KIAA0825: variants seen among roughly 807,000 people sequenced by gnomAD.
KIAA0825 encodes the protein KIAA0825.
KIAA0825 carries 119 observed loss-of-function variants against 147.6 expected under a neutral mutation model. That is an observed-to-expected ratio of 0.81 (90% confidence interval 0.69 to 0.94). The LOEUF is 0.94. Ranked by LOEUF, KIAA0825 falls within the 40% of genes least tolerant of loss-of-function variation. KIAA0825 has a pLI of 0.00. For missense variants in KIAA0825, 1,381 were observed against 1,472.7 expected, an observed-to-expected ratio of 0.94 and a Z score of 1.02; for synonymous variants, 470 against 518.1, an observed-to-expected ratio of 0.91 and a Z score of 1.26.
chr5:94,338,270 G>T (rs1318579092), intron 20 of KIAA0825, among the ~76,000 whole-genome samples: 2 of 151,098 alleles, frequency 1.3e-5, no homozygotes, highest in African/African-American at 4.9e-5. Flanking sequence ...ACAGTATTTT[G>T]GGCTTTTCAT....
At chr5:94,573,766 G>T (rs1399299705) in intron 2 of KIAA0825, among the ~76,000 whole-genome samples, 1 of 152,272 alleles carries the variant, frequency 6.6e-6, no homozygotes, top group Non-Finnish European at 1.5e-5. Context: ...GCCTTGCAGG[G>T]CCATTTAAAA....
chr5:94,487,252 T>C (rs1763163479), intron 5 of KIAA0825, among the ~76,000 whole-genome samples: 1 of 152,186 alleles, frequency 6.6e-6, no homozygotes, highest in South Asian at 2.1e-4. Flanking sequence ...GAATGAAATA[T>C]ATGACCTAAA....
intron 2 of KIAA0825, among the ~76,000 whole-genome samples, chr5:94,550,618 G>C (rs187421527): frequency 1.3e-5 from 2 of 152,088 alleles, no homozygotes; most frequent in Non-Finnish European, 2.9e-5. Context: ...CGAGGCAGGC[G>C]GATCACGAGG....
intron 20 of KIAA0825, among the ~76,000 whole-genome samples, chr5:94,223,877 C>A (rs974763537): frequency 6.6e-6 from 1 of 151,966 alleles, no homozygotes; most frequent in Admixed American, 6.6e-5. Flanking sequence ...AAGAAAAGCC[C>A]TCTTTGGGAT....
At chr5:94,608,643 T>C (rs760610642) in intron 1 of KIAA0825, among the ~76,000 whole-genome samples, 1 of 145,272 alleles carries the variant, frequency 6.9e-6, no homozygotes, top group Non-Finnish European at 1.5e-5. Flanking sequence ...CAAAAATTAG[T>C]ATTAATACTT....
Position 94,473,426 on chromosome 5 carries a change from T to C in KIAA0825, c.1321A>G (p.Thr441Ala). Residue 441 changes from threonine (T) to alanine (A), a missense_variant, in exon 8 of 21, where the codon ACA becomes GCA. Coordinates refer to ENST00000682413, the MANE Select transcript of KIAA0825 (RefSeq NM_001145678.3). ...CVVTAIEGFSTKILQQEQNER... is the reference protein window; with the variant it reads ...CVVTAIEGFSAKILQQEQNER... ...TTCTGTTCCTGTTGGAGAATTTTTG[T>C]GGAAAAACCTTCAATTGCAGTTACT... 6.4e-7 allele frequency: 1 copy of C among 1,551,984 alleles called. No individual in the cohort carries two copies. The highest frequency in any genetic ancestry group is 2.4e-5 in the East Asian group (1 of 40,918).
chr5:94,566,474 T>C (rs1056512512), intron 2 of KIAA0825, among the ~76,000 whole-genome samples: 1 of 152,166 alleles, frequency 6.6e-6, no homozygotes, highest in Non-Finnish European at 1.5e-5. Context: ...TTAAAAATAA[T>C]ATTCTTTCAA....
intron 15 of KIAA0825, among the ~76,000 whole-genome samples, chr5:94,410,539 A>G (rs1409217654): frequency 6.6e-6 from 1 of 152,218 alleles, no homozygotes; most frequent in African/African-American, 2.4e-5. Context: ...AACAAGGCAC[A>G]TCATAATCAA....
At chr5:94,233,420 G>A (rs907747596) in intron 20 of KIAA0825, among the ~76,000 whole-genome samples, 1 of 152,116 alleles carries the variant, frequency 6.6e-6, no homozygotes, top group African/African-American at 2.4e-5. Context: ...GAAAATAATA[G>A]ATACTTAAAT....
At chr5:94,380,301 A>G (rs1356377716) in intron 20 of KIAA0825, among the ~76,000 whole-genome samples, 2 of 152,244 alleles carry the variant, frequency 1.3e-5, no homozygotes, top group African/African-American at 2.4e-5. Flanking sequence ...AAATATTCTT[A>G]TAATACCTAC....
At chr5:94,565,093 TCC>T (rs1584906994) in intron 2 of KIAA0825, among the ~76,000 whole-genome samples, 40 of 127,982 alleles carry the variant, frequency 3.1e-4, no homozygotes, top group East Asian at 4.2e-4. Context: ...TTTCTTGCTT[TCC>T]TTTTTTTTTT....
At chr5:94,334,318 A>G (rs988627104) in intron 20 of KIAA0825, among the ~76,000 whole-genome samples, 1 of 152,262 alleles carries the variant, frequency 6.6e-6, no homozygotes, top group South Asian at 2.1e-4. Flanking sequence ...TGAAACATCT[A>G]TTTGTAGATG....
chr5:94,299,210 C>CTTTA (rs1458367731), intron 20 of KIAA0825, among the ~76,000 whole-genome samples: 3 of 151,656 alleles, frequency 2.0e-5, no homozygotes, highest in Non-Finnish European at 2.9e-5. Flanking sequence ...TAGATTCGAT[C>CTTTA]TTTATTTATT....
At chr5:94,297,478 A>G (rs989612685) in intron 20 of KIAA0825, among the ~76,000 whole-genome samples, 2 of 152,140 alleles carry the variant, frequency 1.3e-5, no homozygotes, top group Admixed American at 6.5e-5. Context: ...TCCTTTTCCT[A>G]TGCTGAGATA....
intron 2 of KIAA0825, among the ~76,000 whole-genome samples, chr5:94,580,049 A>T (rs1781795642): frequency 6.6e-6 from 1 of 152,226 alleles, no homozygotes; most frequent in Non-Finnish European, 1.5e-5. Flanking sequence ...GCCAATGTGT[A>T]GGAAAAGTAG....
intron 20 of KIAA0825, among the ~76,000 whole-genome samples, chr5:94,356,725 C>CT (rs1172838355): frequency 0.01 from 1,200 of 116,692 alleles, 93 homozygotes; most frequent in Non-Finnish European, 0.015. Flanking sequence ...AACTTGATTT[C>CT]TTTTTTTTTT....
intron 20 of KIAA0825, among the ~76,000 whole-genome samples, chr5:94,279,869 T>C (rs373379075): frequency 2.0e-5 from 3 of 152,076 alleles, no homozygotes; most frequent in African/African-American, 4.8e-5. Context: ...CCTAATATGA[T>C]AGTTCCCTGG....
chr5:94,356,725 CTTTT>C (rs1172838355), intron 20 of KIAA0825, among the ~76,000 whole-genome samples: 2 of 116,724 alleles, frequency 1.7e-5, no homozygotes, highest in Admixed American at 8.8e-5. Context: ...AACTTGATTT[CTTTT>C]TTTTTTTTTT....
intron 20 of KIAA0825, among the ~76,000 whole-genome samples, chr5:94,365,567 C>A (rs1745724953): frequency 6.6e-6 from 1 of 152,206 alleles, no homozygotes; most frequent in Non-Finnish European, 1.5e-5. Flanking sequence ...CTTCCTGAAA[C>A]TGCCTTTGCA....
Sources: allele counts gnomAD v4.1 joint callset (sites outside exome capture counted in the v4.1 genomes callset), GRCh38; gene constraint gnomAD v4.1.1; transcripts MANE v1.5; gene names NCBI Gene and HGNC (gene_info 2026-07-23, HGNC 2026-07-21).